The following SAE1 variants were observed in gnomAD, a reference collection of about 807,000 sequenced individuals.
The protein encoded by SAE1 is SUMO1 activating enzyme subunit 1.
A neutral mutation model predicts 40.6 loss-of-function variants in SAE1; 11 were observed. The observed-to-expected ratio is 0.27, with a 90% CI of 0.17 to 0.45. SAE1 has a LOEUF of 0.45. SAE1 is among the 20% of genes least tolerant of loss of function. The pLI, the probability that SAE1 is intolerant of heterozygous loss-of-function variation, is 1.00. For missense variants in SAE1, 373 were observed against 427.3 expected, an observed-to-expected ratio of 0.87 and a Z score of 1.12; for synonymous variants, 155 against 154.3, an observed-to-expected ratio of 1.00 and a Z score of -0.03.
intron 8 of SAE1, among the ~76,000 whole-genome samples, chr19:47,208,344 C>G (rs1445657573): frequency 6.6e-6 from 1 of 152,074 alleles, no homozygotes; most frequent in Non-Finnish European, 1.5e-5. Context: ...ACTGCAGCCT[C>G]AATGTCCCAG....
Position 47,209,187 on chromosome 19 carries a change from A to G in SAE1, c.977A>G (p.Asn326Ser). Reference sequence around the variant, plus strand: ...CTGTCTCAGCGGGACCCTCCTCACAACAACTTCTTCTTCTTCGATGGCATG... The same window carrying G: ...CTGTCTCAGCGGGACCCTCCTCACAGCAACTTCTTCTTCTTCGATGGCATG... ...KALSQRDPPH[N>S]NFFFFDGMKG... Residue 326 changes from asparagine (N) to serine (S), a missense_variant, in exon 9 of 9, where the codon AAC (asparagine) becomes AGC (serine). Coordinates refer to ENST00000270225, the MANE Select transcript of SAE1 (RefSeq NM_005500.3). 1 of 1,613,846 alleles carries G rather than the reference A, an allele frequency of 6.2e-7. No individual in the cohort carries two copies. The highest frequency in any genetic ancestry group is 8.5e-7 in the Non-Finnish European group (1 of 1,179,940).
At chr19:47,185,387 C>T (rs537354053) in intron 6 of SAE1, among the ~76,000 whole-genome samples, 2 of 152,042 alleles carry the variant, frequency 1.3e-5, no homozygotes, top group East Asian at 3.9e-4. Context: ...TCACTGCGAC[C>T]TCCACCTCCC....
Position 47,169,868 on chromosome 19 carries a change from T to G in SAE1, c.678T>G (p.Ser226Arg), listed in dbSNP as rs1456987098. 3 of 1,614,074 alleles carry G rather than the reference T, an allele frequency of 1.9e-6. No individual in the cohort carries two copies. The highest frequency in any genetic ancestry group is 1.3e-5 in the African/African-American group (1 of 74,936). ...AAGCCCTGGAGGTGGACTGGAGCAG[T>G]GAGAAAGCAAAGGCTGCTCTGAAGC... ...VKEALEVDWS[S>R]EKAKAALKRT... Residue 226 changes from serine (S) to arginine (R), a missense_variant, in exon 6 of 9, where the codon AGT (serine) becomes AGG (arginine). Physicochemically the swap from Ser to Arg is moderately radical, Grantham distance 110. Transcript: ENST00000270225.
intron 6 of SAE1, among the ~76,000 whole-genome samples, chr19:47,185,429 C>G (rs2058538263): frequency 6.6e-6 from 1 of 151,866 alleles, no homozygotes; most frequent in African/African-American, 2.4e-5. Flanking sequence ...CTCAGCTTCC[C>G]AAGTAGCTGG....
chr19:47,148,451 G>A (rs755034763), intron 2 of SAE1, among the ~76,000 whole-genome samples: 6 of 151,990 alleles, frequency 3.9e-5, no homozygotes, highest in Non-Finnish European at 8.8e-5. Flanking sequence ...GATGTTTGAT[G>A]TGTGAAGAAA....
rs114910415 is a variant in SAE1 at position 47,161,580 on chromosome 19, G to A, written c.627+6367G>A. 9.5e-3 allele frequency among the ~76,000 whole-genome samples: 1,441 copies of A among 152,136 alleles called. 24 individuals are homozygous for A. The highest frequency in any genetic ancestry group is 0.033 in the African/African-American group (1,360 of 41,500). ...CCTGCTTGACTTCCTGTTTTATCAC[G>A]TGTTTATAAATCTAAACAATGACAT... is the stretch of plus-strand genomic sequence containing the variant. On this transcript the variant is annotated intron_variant, in intron 5 of 8. Transcript: ENST00000270225.
chr19:47,136,905 G>A (rs1294438695), intron 1 of SAE1, among the ~76,000 whole-genome samples: 1 of 152,146 alleles, frequency 6.6e-6, no homozygotes, highest in African/African-American at 2.4e-5. Context: ...GAGGGCTCTA[G>A]GTGGGATAGG....
At chr19:47,148,904 G>A (rs2058270071) in intron 2 of SAE1, among the ~76,000 whole-genome samples, 2 of 151,958 alleles carry the variant, frequency 1.3e-5, no homozygotes, top group African/African-American at 2.4e-5. Context: ...GTGAGCCACC[G>A]CACCTGGCCA....
intron 3 of SAE1, 88 bp downstream of exon 3, chr19:47,150,463 G>C: frequency 9.5e-7 from 1 of 1,048,802 alleles, no homozygotes; most frequent in African/African-American, 1.6e-5. Context: ...AGCAATCTGA[G>C]AGCATTCAAA....
intron 1 of SAE1, among the ~76,000 whole-genome samples, chr19:47,134,792 T>C (rs1039562021): frequency 6.6e-6 from 1 of 152,062 alleles, no homozygotes; most frequent in African/African-American, 2.4e-5. Flanking sequence ...GATGGGGGCC[T>C]CTGAGTGGGA....
At position 47,169,889 on chromosome 19, in the gene SAE1, G is replaced by C. The variant is rs2058419926; in HGVS notation, c.699G>C (p.Leu233=). 6.2e-7 allele frequency: 1 copy of C among 1,614,034 alleles called. No individual in the cohort carries two copies. The highest frequency in any genetic ancestry group is 1.3e-5 in the African/African-American group (1 of 74,940). ...DWSSEKAKAA[L]KRTTSDYFLL... is the part of the protein sequence containing the mutation. Reference sequence around the variant, plus strand: ...GCAGTGAGAAAGCAAAGGCTGCTCTGAAGCGCACGACCTCCGACTACTTTC... The same window carrying C: ...GCAGTGAGAAAGCAAAGGCTGCTCTCAAGCGCACGACCTCCGACTACTTTC... Residue 233 remains leucine (L), a synonymous_variant, in exon 6 of 9, where the codon CTG becomes CTC. Transcript: ENST00000270225.
intron 1 of SAE1, among the ~76,000 whole-genome samples, chr19:47,131,854 G>C (rs1211183878): frequency 6.6e-6 from 1 of 151,258 alleles, no homozygotes; most frequent in East Asian, 1.9e-4. Flanking sequence ...GGGCCCGCCA[G>C]CACGCCCGGC....
At chr19:47,174,314 T>C (rs2058454655) in intron 6 of SAE1, among the ~76,000 whole-genome samples, 1 of 150,886 alleles carries the variant, frequency 6.6e-6, no homozygotes, top group African/African-American at 2.4e-5. Flanking sequence ...TTTTTTTTTT[T>C]GGTGTGGTGA....
At chr19:47,168,223 T>A (rs74490361) in intron 5 of SAE1, among the ~76,000 whole-genome samples, 4,628 of 152,186 alleles carry the variant, frequency 0.03, 102 homozygotes, top group Non-Finnish European at 0.048. Context: ...AAAAAACTGT[T>A]TTTTTGTATG....
intron 8 of SAE1, among the ~76,000 whole-genome samples, chr19:47,207,180 G>A (rs1435204343): frequency 1.3e-5 from 2 of 152,298 alleles, no homozygotes; most frequent in Non-Finnish European, 2.9e-5. Context: ...GACGGAGGTT[G>A]CAGTAAGCCG....
chr19:47,154,429 A>G, intron 4 of SAE1, among the ~76,000 whole-genome samples: 1 of 148,456 alleles, frequency 6.7e-6, no homozygotes, highest in Admixed American at 6.7e-5. Flanking sequence ...GAAGCAATCC[A>G]GATTATTTTA....
chr19:47,203,004 T>C (rs1490090045), intron 7 of SAE1, among the ~76,000 whole-genome samples: 2 of 152,176 alleles, frequency 1.3e-5, no homozygotes, highest in Non-Finnish European at 2.9e-5. Context: ...TCCAGTTTGC[T>C]TGGTGAGCAC....
intron 8 of SAE1, 30 bp downstream of exon 8, chr19:47,203,770 T>G: frequency 6.3e-7 from 1 of 1,589,774 alleles, no homozygotes; most frequent in Non-Finnish European, 8.6e-7. Context: ...CAGAAAATTG[T>G]TAACCATGAC....
chr19:47,203,369 T>C (rs1395233697), intron 7 of SAE1, among the ~76,000 whole-genome samples: 1 of 152,176 alleles, frequency 6.6e-6, no homozygotes, highest in Non-Finnish European at 1.5e-5. Flanking sequence ...ACATCTGATA[T>C]CTCTAGGACA....
Sources: allele counts gnomAD v4.1 joint callset (sites outside exome capture counted in the v4.1 genomes callset), GRCh38; gene constraint gnomAD v4.1.1; transcripts MANE v1.5; gene names NCBI Gene and HGNC (gene_info 2026-07-23, HGNC 2026-07-21).